FOXP1: variants seen among roughly 807,000 people sequenced by gnomAD.
The protein encoded by FOXP1 is forkhead box protein P1.
A neutral mutation model predicts 98.2 loss-of-function variants in FOXP1; 15 were observed. The ratio of observed to expected loss-of-function variants is 0.15; its 90% CI spans 0.10 to 0.24. The LOEUF is 0.24. FOXP1 is among the 10% of genes least tolerant of loss of function. The probability of loss-of-function intolerance (pLI) is 1.00; values close to 1 mark genes in which losing one functional copy is unlikely to be tolerated. For missense variants in FOXP1, 633 were observed against 848.5 expected (o/e 0.75, Z 3.15); for synonymous variants, 371 against 314.5 (o/e 1.18, Z -1.90).
chr3:71,372,104 C>T (rs1486043964), intron 3 of FOXP1, among the ~76,000 whole-genome samples: 1 of 151,878 alleles, frequency 6.6e-6, no homozygotes, highest in African/African-American at 2.4e-5. Flanking sequence ...CCTCGGCCTC[C>T]AGGGTTCAAG....
At chr3:70,989,853 T>C (rs1484456965) in intron 13 of FOXP1, among the ~76,000 whole-genome samples, 1 of 152,196 alleles carries the variant, frequency 6.6e-6, no homozygotes, top group African/African-American at 2.4e-5. Flanking sequence ...CCACTAAGTG[T>C]GGTATAAGGA....
intron 2 of FOXP1, among the ~76,000 whole-genome samples, chr3:71,545,718 A>C (rs2045304090): frequency 6.6e-6 from 1 of 152,236 alleles, no homozygotes; most frequent in African/African-American, 2.4e-5. Flanking sequence ...TAGGAACCAA[A>C]AGTAAAAGTC....
intron 19 of FOXP1, among the ~76,000 whole-genome samples, chr3:70,967,686 T>A (rs200404739): frequency 1.6e-5 from 2 of 128,758 alleles, no homozygotes; most frequent in East Asian, 5.0e-4. Flanking sequence ...TACTATTATT[T>A]GTTTTTTTTT....
At chr3:71,001,807 G>C (rs1318227548) in intron 12 of FOXP1, among the ~76,000 whole-genome samples, 1 of 152,092 alleles carries the variant, frequency 6.6e-6, no homozygotes, top group African/African-American at 2.4e-5. Flanking sequence ...CAGGAGCTCT[G>C]GTAATCAGAG....
intron 2 of FOXP1, among the ~76,000 whole-genome samples, chr3:71,546,953 CAG>C (rs911729427): frequency 2.6e-5 from 4 of 152,002 alleles, no homozygotes; most frequent in South Asian, 2.1e-4. Context: ...GGGAGAGAGA[CAG>C]AGACACAGAG....
At position 71,383,890 on chromosome 3, in the gene FOXP1, G is replaced by C. The variant is rs188389237; in HGVS notation, c.-167-24646C>G. Among the ~76,000 whole-genome samples the C allele has an allele frequency of 1.3e-3, 202 of 152,298 alleles. 1 individual carries two copies. The highest frequency in any genetic ancestry group is 2.3e-3 in the Non-Finnish European group (159 of 68,028). On this transcript the variant is annotated intron_variant, in intron 3 of 20. Transcript: ENST00000649528. Reference sequence around the variant, plus strand: ...GGCAATTTGGAGGTCATGATGTATAGAGAAAGCTCTTCAGAGACAACTATG... The same window carrying C: ...GGCAATTTGGAGGTCATGATGTATACAGAAAGCTCTTCAGAGACAACTATG...
chr3:71,423,094 T>A (rs2083792620), intron 3 of FOXP1, among the ~76,000 whole-genome samples: 1 of 152,180 alleles, frequency 6.6e-6, no homozygotes, highest in Non-Finnish European at 1.5e-5. Flanking sequence ...AAGATGCCAA[T>A]GTCTCTGGTT....
chr3:71,102,190 G>A (rs1559931607), intron 7 of FOXP1, among the ~76,000 whole-genome samples: 2 of 152,138 alleles, frequency 1.3e-5, no homozygotes, highest in East Asian at 1.9e-4. Context: ...ACCATCTGAT[G>A]TATGAAAATT....
chr3:71,024,000 G>T (rs1264185527), intron 11 of FOXP1, among the ~76,000 whole-genome samples: 1 of 152,042 alleles, frequency 6.6e-6, no homozygotes, highest in Non-Finnish European at 1.5e-5. Context: ...ACTTTACAGT[G>T]TATTCTTCTG....
At chr3:71,064,534 A>G (rs2052079264) in intron 7 of FOXP1, among the ~76,000 whole-genome samples, 1 of 151,816 alleles carries the variant, frequency 6.6e-6, no homozygotes, top group Non-Finnish European at 1.5e-5. Flanking sequence ...TTAAAAAAAG[A>G]GAGCGAGAGT....
At chr3:71,040,195 A>G (rs940198947) in intron 11 of FOXP1, 1 of 152,128 alleles carries the variant, frequency 6.6e-6, no homozygotes, top group Admixed American at 6.6e-5. Context: ...ATCTAATTAA[A>G]CAGTAGGCTT....
chr3:71,277,952 G>A (rs373307251), intron 5 of FOXP1, among the ~76,000 whole-genome samples: 3 of 152,090 alleles, frequency 2.0e-5, no homozygotes, highest in East Asian at 3.9e-4. Context: ...AAAGAATGCT[G>A]TGGCTGGCAC....
At chr3:71,574,571 T>C (rs1192170838) in intron 2 of FOXP1, 1 of 152,146 alleles carries the variant, frequency 6.6e-6, no homozygotes, top group Non-Finnish European at 1.5e-5. Flanking sequence ...GCATGCCCCA[T>C]CACATACGAT....
intron 3 of FOXP1, among the ~76,000 whole-genome samples, chr3:71,432,134 T>C (rs1210878153): frequency 2.6e-5 from 4 of 152,188 alleles, no homozygotes; most frequent in Non-Finnish European, 5.9e-5. Context: ...ATCAGTGTCC[T>C]CAAGAACTTC....
At chr3:71,454,424 T>C (rs561158938) in intron 3 of FOXP1, among the ~76,000 whole-genome samples, 7 of 152,308 alleles carry the variant, frequency 4.6e-5, no homozygotes, top group East Asian at 1.9e-4. Flanking sequence ...AGGTGTTCGA[T>C]AGAAAACCAC....
chr3:71,327,962 A>G (rs991640963), intron 4 of FOXP1, among the ~76,000 whole-genome samples: 4 of 152,192 alleles, frequency 2.6e-5, no homozygotes, highest in Admixed American at 2.6e-4. Context: ...CTCTCTACAC[A>G]TGACAGTAGG....
intron 3 of FOXP1, among the ~76,000 whole-genome samples, chr3:71,492,801 T>TC (rs1479908077): frequency 6.6e-6 from 1 of 151,852 alleles, no homozygotes; most frequent in Non-Finnish European, 1.5e-5. Flanking sequence ...TACAGGGGAG[T>TC]CATTGATTGC....
At chr3:71,180,696 G>C (rs2062238020) in intron 6 of FOXP1, among the ~76,000 whole-genome samples, 2 of 152,066 alleles carry the variant, frequency 1.3e-5, no homozygotes, top group South Asian at 4.1e-4. Flanking sequence ...TTTTTAAAAA[G>C]AAGAACCTGG....
chr3:71,481,765 C>T (rs530168504), intron 3 of FOXP1, among the ~76,000 whole-genome samples: 1 of 152,224 alleles, frequency 6.6e-6, no homozygotes, highest in East Asian at 1.9e-4. Flanking sequence ...TCTTGAGAAA[C>T]ACCCATTTCA....
Sources: gnomAD v4.1 joint callset for allele counts (sites outside exome capture counted in the v4.1 genomes callset) on GRCh38, gnomAD v4.1.1 for gene constraint, MANE v1.5 for transcripts, NCBI Gene and HGNC (gene_info 2026-07-23, HGNC 2026-07-21) for gene names.